The following SMOC1 variants were observed in gnomAD, a reference collection of about 807,000 sequenced individuals.
SMOC1 encodes SPARC-related modular calcium-binding protein 1.
SMOC1 carries 22 observed loss-of-function variants against 56.3 expected under a neutral mutation model. The observed-to-expected ratio is 0.39, with a 90% CI of 0.28 to 0.56. The LOEUF (loss-of-function observed/expected upper bound fraction) is 0.56, where lower values mean the gene tolerates loss of function less well. Ranked by LOEUF, SMOC1 falls within the 20% of genes least tolerant of loss-of-function variation. The pLI is 0.61. For missense variants in SMOC1, 509 were observed against 565.4 expected, an observed-to-expected ratio of 0.90 and a Z score of 1.01; for synonymous variants, 193 against 215.0, an observed-to-expected ratio of 0.90 and a Z score of 0.89.
At chr14:69,961,421 C>G (rs1883376036) in intron 3 of SMOC1, among the ~76,000 whole-genome samples, 1 of 151,010 alleles carries the variant, frequency 6.6e-6, no homozygotes, top group Admixed American at 6.6e-5. Context: ...CGCTCTGTTG[C>G]CCAGGCTGGA....
intron 1 of SMOC1, among the ~76,000 whole-genome samples, chr14:69,903,234 C>G (rs371120984): frequency 6.6e-6 from 1 of 152,108 alleles, no homozygotes; most frequent in African/African-American, 2.4e-5. Flanking sequence ...CCCGCCGCCC[C>G]GTCTGGGATG....
At position 69,910,423 on chromosome 14, in the gene SMOC1, A is replaced by G. The variant is rs146378334; in HGVS notation, c.99+30646A>G. 2.8e-4 allele frequency among the ~76,000 whole-genome samples: 42 copies of G among 152,274 alleles called. 1 individual carries two copies. In the East Asian group the frequency reaches 7.9e-3, roughly 29 times the overall value. ...GGTGGAAAGAAACGGTTGGGAAGAA[A>G]CCTTTCTGGACAGGTTTTTATTATA... On this transcript the variant is annotated intron_variant, in intron 1 of 11. Transcript: ENST00000361956.
Position 69,977,888 on chromosome 14 carries a change from G to C in SMOC1, c.479-30G>C, listed in dbSNP as rs770428695. 6 of 1,607,270 alleles carry C rather than the reference G, an allele frequency of 3.7e-6. No homozygotes were observed. The East Asian group carries it at 1.1e-4, about 30-fold the overall frequency. On this transcript the variant is annotated intron_variant, in intron 4 of 11. Transcript: ENST00000361956. ...AACCAACCACAATGCATTCTGAGTG[G>C]CTATGTTTTTGTTTCCCTTCTCACC...
chr14:69,991,231 C>T (rs538941262), intron 5 of SMOC1, among the ~76,000 whole-genome samples: 3 of 152,178 alleles, frequency 2.0e-5, no homozygotes, highest in South Asian at 2.1e-4. Flanking sequence ...ATCATCAAAC[C>T]GCCTGAGACA....
rs140247643 is a variant in SMOC1 at position 69,934,238 on chromosome 14, G to A, written c.100-17900G>A. Reference sequence around the variant, plus strand: ...AGCACCCCTTTCTTTGCTGTGTCCCGTTGAAGGCTCACATCTCGTTTCTGT... The same window carrying A: ...AGCACCCCTTTCTTTGCTGTGTCCCATTGAAGGCTCACATCTCGTTTCTGT... On this transcript the variant is annotated intron_variant, in intron 1 of 11. Transcript: ENST00000361956. Among the ~76,000 whole-genome samples the A allele has an allele frequency of 3.5e-3, 532 of 152,246 alleles. 2 individuals are homozygous for A. Among genetic ancestry groups the A allele is most frequent in the African/African-American group, 0.012 (499 of 41,534 alleles).
intron 3 of SMOC1, among the ~76,000 whole-genome samples, chr14:69,964,021 G>A (rs78044097): frequency 0.017 from 2,593 of 152,262 alleles, 28 homozygotes; most frequent in Non-Finnish European, 0.028. Flanking sequence ...CTGGGGACTC[G>A]CCTATCCCAC....
chr14:69,883,510 TC>T (rs1566659731), intron 1 of SMOC1, among the ~76,000 whole-genome samples: 1 of 152,248 alleles, frequency 6.6e-6, no homozygotes. Flanking sequence ...TACCATATTT[TC>T]TCTATCCATT....
intron 1 of SMOC1, among the ~76,000 whole-genome samples, chr14:69,886,878 G>A (rs537891537): frequency 2.6e-5 from 4 of 152,318 alleles, no homozygotes; most frequent in African/African-American, 9.6e-5. Flanking sequence ...AAAAGGACAG[G>A]AAGAGGAAAC....
At chr14:69,992,679 G>A (rs1244865420) in intron 6 of SMOC1, among the ~76,000 whole-genome samples, 1 of 152,182 alleles carries the variant, frequency 6.6e-6, no homozygotes, top group African/African-American at 2.4e-5. Flanking sequence ...TTCTGGAAGG[G>A]CCCTCTGTTC....
chr14:69,954,215 T>C (rs1284097036), intron 3 of SMOC1, among the ~76,000 whole-genome samples: 2 of 152,106 alleles, frequency 1.3e-5, no homozygotes, highest in Non-Finnish European at 2.9e-5. Flanking sequence ...AGACTGGGTC[T>C]CACTCCAGGC....
rs1420137647 is a variant in SMOC1 at position 70,023,788 on chromosome 14, T to A, written c.1291+341T>A. Among the ~76,000 whole-genome samples the A allele has an allele frequency of 2.0e-5, 3 of 151,884 alleles. No individual in the cohort carries two copies. The East Asian group carries it at 5.8e-4, about 29-fold the overall frequency. ...TTCTTTCCCATATAATAGTTCAGCA[T>A]GGTCGCAGGTTGTAGGGTGTGTGTG... On this transcript the variant is annotated intron_variant, in intron 11 of 11. Transcript: ENST00000361956.
At chr14:69,960,004 G>C (rs1004329959) in intron 3 of SMOC1, among the ~76,000 whole-genome samples, 3 of 152,148 alleles carry the variant, frequency 2.0e-5, no homozygotes, top group Non-Finnish European at 4.4e-5. Context: ...CTGTAGACTC[G>C]AGTTGTGTGA....
intron 11 of SMOC1, among the ~76,000 whole-genome samples, chr14:70,025,225 G>A (rs912118810): frequency 6.6e-6 from 1 of 152,222 alleles, no homozygotes; most frequent in Non-Finnish European, 1.5e-5. Flanking sequence ...CGACTTATTT[G>A]AAATGGAAGC....
At chr14:69,888,631 C>T (rs1883875855) in intron 1 of SMOC1, among the ~76,000 whole-genome samples, 1 of 152,152 alleles carries the variant, frequency 6.6e-6, no homozygotes, top group African/African-American at 2.4e-5. Flanking sequence ...CTATTTTACA[C>T]TACGGTGTTG....
chr14:69,986,153 C>G (rs1489656855), intron 5 of SMOC1, among the ~76,000 whole-genome samples: 2 of 152,160 alleles, frequency 1.3e-5, no homozygotes, highest in Admixed American at 1.3e-4. Flanking sequence ...GAGCCCATTT[C>G]AAAAGGTTGT....
intron 7 of SMOC1, among the ~76,000 whole-genome samples, chr14:70,003,835 C>T (rs574115437): frequency 2.0e-5 from 3 of 152,162 alleles, no homozygotes; most frequent in Non-Finnish European, 2.9e-5. Flanking sequence ...ATGGTTTATT[C>T]TTTCTGCTTG....
chr14:70,026,166 C>G (rs989959548), intron 11 of SMOC1, among the ~76,000 whole-genome samples: 1 of 152,192 alleles, frequency 6.6e-6, no homozygotes, highest in Non-Finnish European at 1.5e-5. Context: ...TGCTCTGACA[C>G]GCTTGGAATT....
intron 1 of SMOC1, among the ~76,000 whole-genome samples, chr14:69,898,961 T>C (rs1884167185): frequency 6.6e-6 from 1 of 152,172 alleles, no homozygotes. Context: ...AAGCATTCTA[T>C]AGTCCTATGA....
intron 6 of SMOC1, among the ~76,000 whole-genome samples, chr14:69,993,205 G>C (rs1412887653): frequency 4.6e-5 from 7 of 152,154 alleles, no homozygotes; most frequent in African/African-American, 1.7e-4. Flanking sequence ...GTTGAGGCAG[G>C]ACATTTTGGA....
Sources: allele counts gnomAD v4.1 joint callset (sites outside exome capture counted in the v4.1 genomes callset), GRCh38; gene constraint gnomAD v4.1.1; transcripts MANE v1.5; gene names NCBI Gene and HGNC (gene_info 2026-07-23, HGNC 2026-07-21).